COL4A4: variants seen among roughly 807,000 people sequenced by gnomAD.
COL4A4 encodes collagen type IV alpha 4 chain.
Under a neutral mutation model 192.9 loss-of-function variants are expected in COL4A4, and 105 were observed. The observed-to-expected ratio is 0.54, with a 90% CI of 0.46 to 0.64. The LOEUF is 0.64. Among genes scored for constraint, COL4A4 ranks in the 30% least tolerant of loss-of-function variants. The pLI is 0.00. For missense variants in COL4A4, 1,967 were observed against 2,169.3 expected (o/e 0.91, Z 1.85); for synonymous variants, 762 against 769.9 (o/e 0.99, Z 0.17).
intron 25 of COL4A4, among the ~76,000 whole-genome samples, chr2:227,068,323 A>C (rs2058480255): frequency 6.6e-6 from 1 of 152,224 alleles, no homozygotes; most frequent in African/African-American, 2.4e-5. Context: ...TTCTGAAACT[A>C]TTCCAATCAA....
chr2:227,041,817 AAAG>A (rs1971167156), intron 37 of COL4A4, among the ~76,000 whole-genome samples: 1 of 39,012 alleles, frequency 2.6e-5, no homozygotes, highest in Non-Finnish European at 4.2e-5. Context: ...AGAAAGAAAG[AAAG>A]AAAGAAAGAA....
the COL4A4 span, among the ~76,000 whole-genome samples, chr2:226,972,452 C>G: frequency 1.3e-5 from 2 of 152,124 alleles, no homozygotes; most frequent in Non-Finnish European, 2.9e-5. Flanking sequence ...TGCTATGCCC[C>G]CTGGAAAAAG....
chr2:227,133,108 C>T (rs1471297883), intron 4 of COL4A4, among the ~76,000 whole-genome samples: 2 of 152,156 alleles, frequency 1.3e-5, no homozygotes, highest in Non-Finnish European at 2.9e-5. Flanking sequence ...TTGCTGAGCT[C>T]CGCACCCAGC....
chr2:227,130,532 T>C (rs2062383490), intron 4 of COL4A4, among the ~76,000 whole-genome samples: 1 of 152,220 alleles, frequency 6.6e-6, no homozygotes, highest in African/African-American at 2.4e-5. Flanking sequence ...TGCTCCCACC[T>C]GTGTCTTGTG....
At chr2:227,130,344 C>T (rs992517394) in intron 4 of COL4A4, among the ~76,000 whole-genome samples, 3 of 152,334 alleles carry the variant, frequency 2.0e-5, no homozygotes, top group African/African-American at 2.4e-5. Context: ...ACCCCTTACT[C>T]CAGGCCATTG....
chr2:226,984,742 A>G, the COL4A4 span, among the ~76,000 whole-genome samples: 1 of 152,154 alleles, frequency 6.6e-6, no homozygotes, highest in Non-Finnish European at 1.5e-5. Context: ...GGAATACTCA[A>G]TTTATAAGCC....
rs1467336171 is a variant in COL4A4 at position 227,003,515 on chromosome 2, T to C, written c.*3810A>G. 1 of 152,226 alleles carries C rather than the reference T, an allele frequency of 6.6e-6. No homozygotes were observed. The highest frequency in any genetic ancestry group is 1.5e-5 in the Non-Finnish European group (1 of 68,044). 9.4% of individuals were successfully genotyped at this position (152,226 alleles called of 1,614,324 possible). ...CCATACCAAGTAAAAGTAACAATTA[T>C]CAGATTATTCCAGTGAGCTGATAGA... On this transcript the variant is annotated 3_prime_UTR_variant, in exon 48 of 48. Coordinates refer to ENST00000396625, the MANE Select transcript of COL4A4 (RefSeq NM_000092.5).
the COL4A4 span, among the ~76,000 whole-genome samples, chr2:226,993,594 G>A: frequency 6.6e-6 from 1 of 152,142 alleles, no homozygotes; most frequent in East Asian, 1.9e-4. Flanking sequence ...TGGCAAAAAC[G>A]TTTTTTGGGG....
At chr2:226,972,238 T>A in the COL4A4 span, among the ~76,000 whole-genome samples, 3 of 152,200 alleles carry the variant, frequency 2.0e-5, no homozygotes, top group African/African-American at 4.8e-5. Flanking sequence ...TTCATCCATG[T>A]CCCTGCAAAG....
At chr2:227,090,730 C>T (rs1483261489) in intron 20 of COL4A4, among the ~76,000 whole-genome samples, 7 of 151,052 alleles carry the variant, frequency 4.6e-5, no homozygotes, top group Admixed American at 4.0e-4. Context: ...CCAGCCTGGG[C>T]AACAGAATGA....
At chr2:227,118,451 C>T (rs559850300) in intron 7 of COL4A4, among the ~76,000 whole-genome samples, 194 bp downstream of exon 7, 6 of 152,290 alleles carry the variant, frequency 3.9e-5, no homozygotes, top group East Asian at 1.9e-4. Flanking sequence ...ATCTAGCCTC[C>T]TTCCATCATC....
At chr2:227,009,993 C>T (rs1963265779) in intron 46 of COL4A4, among the ~76,000 whole-genome samples, 1 of 152,098 alleles carries the variant, frequency 6.6e-6, no homozygotes, top group Non-Finnish European at 1.5e-5. Context: ...GCAAAAAGTA[C>T]ATTTCATAAC....
At chr2:227,159,474 A>G (rs1483946601) in intron 1 of COL4A4, among the ~76,000 whole-genome samples, 1 of 152,254 alleles carries the variant, frequency 6.6e-6, no homozygotes, top group Admixed American at 6.5e-5. Context: ...TATGGAACAT[A>G]GATTATACCT....
intron 26 of COL4A4, among the ~76,000 whole-genome samples, chr2:227,062,142 G>A (rs1177954429): frequency 2.0e-5 from 3 of 151,640 alleles, no homozygotes; most frequent in Non-Finnish European, 4.4e-5. Flanking sequence ...GAAGACTGAG[G>A]CGGAAGAATC....
At chr2:227,148,962 C>T (rs374214589) in intron 1 of COL4A4, among the ~76,000 whole-genome samples, 2 of 151,914 alleles carry the variant, frequency 1.3e-5, no homozygotes, top group African/African-American at 4.8e-5. Context: ...CTGCCTCAGC[C>T]TCCTGAGTAG....
intron 37 of COL4A4, among the ~76,000 whole-genome samples, chr2:227,038,482 G>C (rs1970141425): frequency 6.6e-6 from 1 of 152,184 alleles, no homozygotes; most frequent in Admixed American, 6.5e-5. Context: ...TTGTACTATA[G>C]TTTGAAATCA....
At chr2:226,990,645 GTAAAATGCAGAGGCTACTGCATTTTACA>G in the COL4A4 span, among the ~76,000 whole-genome samples, 1 of 152,172 alleles carries the variant, frequency 6.6e-6, no homozygotes, top group Non-Finnish European at 1.5e-5. Context: ...TCCCTTAGAT[GTAAAATGCAGAGGCTACTGCATTTTACA>G]TAAGGGTAGA....
intron 28 of COL4A4, 67 bp from the exon 29 acceptor site, chr2:227,057,667 G>T: frequency 1.3e-6 from 2 of 1,506,696 alleles, no homozygotes; most frequent in Non-Finnish European, 1.8e-6. Context: ...ATGATGAATT[G>T]TTCACGCATA....
At chr2:226,988,277 G>A in the COL4A4 span, 12 of 1,517,784 alleles carry the variant, frequency 7.9e-6, no homozygotes, top group Non-Finnish European at 9.7e-6. Flanking sequence ...GGAGGCCACT[G>A]TAAGTCTCTT....
Sources: gnomAD v4.1 joint callset for allele counts (sites outside exome capture counted in the v4.1 genomes callset) on GRCh38, gnomAD v4.1.1 for gene constraint, MANE v1.5 for transcripts, NCBI Gene and HGNC (gene_info 2026-07-23, HGNC 2026-07-21) for gene names.